The following CTNNA3 variants were observed in gnomAD, a reference collection of about 807,000 sequenced individuals.
CTNNA3 encodes catenin alpha-3.
In CTNNA3, 76 loss-of-function variants were observed where a neutral mutation model predicts 95.7. That is an observed-to-expected ratio of 0.79 (90% CI 0.66 to 0.96). The LOEUF (loss-of-function observed/expected upper bound fraction) is 0.96, where lower values mean the gene tolerates loss of function less well. CTNNA3 is among the 40% of genes least tolerant of loss of function. The probability of loss-of-function intolerance (pLI) is 0.00; values close to 1 mark genes in which losing one functional copy is unlikely to be tolerated. For synonymous variants in CTNNA3, 431 were observed against 374.4 expected, an observed-to-expected ratio of 1.15 and a Z score of -1.74; for missense variants, 1,191 against 1,089.8, an observed-to-expected ratio of 1.09 and a Z score of -1.31.
At chr10:67,457,508 G>T (rs555077250) in intron 5 of CTNNA3, among the ~76,000 whole-genome samples, 1 of 152,170 alleles carries the variant, frequency 6.6e-6, no homozygotes, top group South Asian at 2.1e-4. Flanking sequence ...CATCAAATCA[G>T]AATAAAAAAT....
At position 67,504,435 on chromosome 10, in the gene CTNNA3, CAAAAAAAAA is replaced by C. The variant is rs60719599; in HGVS notation, c.579+17398_579+17406del. On this transcript the variant is annotated intron_variant, in intron 5 of 17. Coordinates refer to ENST00000433211, the MANE Select transcript of CTNNA3 (RefSeq NM_013266.4). The stretch of plus-strand genomic sequence containing the variant: ...TGGGCAACAGAGTGAGACTCCATCT[CAAAAAAAAA>C]AAAAAAAAAAAAAAAACAGAGTAAC... Among the ~76,000 whole-genome samples, 5 of 16,160 alleles carry C rather than the reference CAAAAAAAAA, an allele frequency of 3.1e-4. No individual in the cohort carries two copies. In the East Asian group the frequency reaches 4.7e-3, roughly 15 times the overall value. 10.6% of individuals were successfully genotyped at this position (16,160 alleles called of 152,430 possible).
At chr10:66,376,761 A>G (rs1455183497) in intron 12 of CTNNA3, among the ~76,000 whole-genome samples, 2 of 152,216 alleles carry the variant, frequency 1.3e-5, no homozygotes, top group East Asian at 3.9e-4. Flanking sequence ...AGAGAAAGAC[A>G]GTCCACAGAT....
At chr10:66,788,529 T>C (rs1229877361) in intron 7 of CTNNA3, among the ~76,000 whole-genome samples, 1 of 152,192 alleles carries the variant, frequency 6.6e-6, no homozygotes, top group Non-Finnish European at 1.5e-5. Context: ...GCCTGTAATA[T>C]TTCTTGCAGT....
chr10:66,373,874 C>G (rs1351068439), intron 12 of CTNNA3, among the ~76,000 whole-genome samples: 1 of 152,190 alleles, frequency 6.6e-6, no homozygotes, highest in Non-Finnish European at 1.5e-5. Context: ...GCTAAAGAAC[C>G]TTTTAAAAAT....
At chr10:66,449,276 A>AT (rs1306690950) in intron 11 of CTNNA3, among the ~76,000 whole-genome samples, 1 of 152,104 alleles carries the variant, frequency 6.6e-6, no homozygotes, top group African/African-American at 2.4e-5. Context: ...TGAAAACTGC[A>AT]TTATCCATTT....
intron 7 of CTNNA3, among the ~76,000 whole-genome samples, chr10:66,895,554 G>T (rs924397437): frequency 6.6e-6 from 1 of 151,888 alleles, no homozygotes; most frequent in Non-Finnish European, 1.5e-5. Context: ...TTCCAGGAGA[G>T]AGACATGGTA....
intron 7 of CTNNA3, among the ~76,000 whole-genome samples, chr10:66,806,756 A>ATATGTGTGTGTGTG (rs1359507202): frequency 3.4e-5 from 5 of 145,714 alleles, no homozygotes; most frequent in African/African-American, 1.0e-4. Context: ...TGTGGCATAT[A>ATATGTGTGTGTGTG]TGTGTGTGTG....
rs573050982 is a variant in CTNNA3, at chr10:67,166,364, G to T, written c.1047+13953C>A. On this transcript the variant is annotated intron_variant, in intron 7 of 17. Coordinates refer to ENST00000433211, the MANE Select transcript of CTNNA3 (RefSeq NM_013266.4). ...GAGTGTAACTTACCTAGCTTTCTTGGTTTTTTTTCACACTGGACACTAGAA... is the reference window on the plus strand; with the variant it reads ...GAGTGTAACTTACCTAGCTTTCTTGTTTTTTTTTCACACTGGACACTAGAA... 3.4e-4 allele frequency among the ~76,000 whole-genome samples: 52 copies of T among 151,704 alleles called. No homozygotes were observed. The East Asian group carries it at 4.5e-3, about 13-fold the overall frequency.
intron 1 of CTNNA3, among the ~76,000 whole-genome samples, chr10:67,693,577 T>G (rs919639217): frequency 1.3e-5 from 2 of 152,188 alleles, no homozygotes; most frequent in African/African-American, 4.8e-5. Flanking sequence ...CTTCTGTAGC[T>G]ATGGTTTTTC....
chr10:67,064,784 C>G (rs1269381505), intron 7 of CTNNA3, among the ~76,000 whole-genome samples: 1 of 152,038 alleles, frequency 6.6e-6, no homozygotes, highest in Admixed American at 6.6e-5. Context: ...TAATTTCAAT[C>G]TCACTTTTAC....
rs185872598 is a variant in CTNNA3 at position 67,453,713 on chromosome 10, G to A, written c.579+68129C>T. On this transcript the variant is annotated intron_variant, in intron 5 of 17. Transcript: ENST00000433211. ...CTGTAAAAATGTGCAGATAAGAGAG[G>A]AAGAGAAAAATCTGCAAGATTCCCA... is the stretch of plus-strand genomic sequence containing the variant. Among the ~76,000 whole-genome samples the A allele has an allele frequency of 1.7e-3, 261 of 152,306 alleles. 1 individual carries two copies. The highest frequency in any genetic ancestry group is 5.9e-3 in the African/African-American group (246 of 41,570).
chr10:67,258,556 C>T (rs761978108), intron 5 of CTNNA3, among the ~76,000 whole-genome samples: 7 of 151,994 alleles, frequency 4.6e-5, no homozygotes, highest in Admixed American at 2.0e-4. Flanking sequence ...TTTGTTTAGC[C>T]GACAACTTTG....
chr10:65,930,787 C>T (rs1260242962), intron 17 of CTNNA3, among the ~76,000 whole-genome samples: 1 of 152,156 alleles, frequency 6.6e-6, no homozygotes, highest in Non-Finnish European at 1.5e-5. Context: ...TGGGCTTTAG[C>T]TCTCAGCCCT....
rs1038336834 is a variant in CTNNA3 at position 66,873,141 on chromosome 10, G to T, written c.1048-97617C>A. On this transcript the variant is annotated intron_variant, in intron 7 of 17. Coordinates refer to ENST00000433211, the MANE Select transcript of CTNNA3 (RefSeq NM_013266.4). ...TTTCATGTTTTTGCTATTGTGAATAGTGCTGTGATGAACAGAGGAGTGCAC... is the reference window on the plus strand; with the variant it reads ...TTTCATGTTTTTGCTATTGTGAATATTGCTGTGATGAACAGAGGAGTGCAC... Among the ~76,000 whole-genome samples the T allele has an allele frequency of 3.3e-5, 5 of 152,176 alleles. No homozygotes were observed. In the South Asian group the frequency reaches 8.3e-4, roughly 25 times the overall value.
At chr10:66,742,654 AT>A (rs1391487006) in intron 9 of CTNNA3, among the ~76,000 whole-genome samples, 1 of 152,016 alleles carries the variant, frequency 6.6e-6, no homozygotes, top group East Asian at 1.9e-4. Context: ...CTGTCCCTTT[AT>A]TTCTCAGACC....
At chr10:67,245,971 T>G (rs560212079) in intron 5 of CTNNA3, among the ~76,000 whole-genome samples, 255 of 151,792 alleles carry the variant, frequency 1.7e-3, no homozygotes, top group Middle Eastern at 3.4e-3. Flanking sequence ...TAGAGGCAAA[T>G]ATTAGAACAT....
chr10:66,466,203 T>C (rs960507756), intron 11 of CTNNA3, among the ~76,000 whole-genome samples: 4 of 151,994 alleles, frequency 2.6e-5, no homozygotes, highest in African/African-American at 9.7e-5. Context: ...AACTCTTCCC[T>C]GGGTCTTAGG....
intron 7 of CTNNA3, among the ~76,000 whole-genome samples, chr10:66,932,191 T>C (rs528928544): frequency 2.6e-5 from 4 of 152,196 alleles, no homozygotes; most frequent in East Asian, 1.9e-4. Flanking sequence ...TGATGATTCA[T>C]GGATAATGAA....
In CTNNA3 at chr10:67,530,905, C is replaced by T. The variant is rs141220719; in HGVS notation, c.459+8598G>A. On this transcript the variant is annotated intron_variant, in intron 4 of 17. Coordinates refer to ENST00000433211, the MANE Select transcript of CTNNA3 (RefSeq NM_013266.4). ...AGCCCTTTGTCCCAGCTGCTCCAGC[C>T]GTGGCTGAAAGGGGCCAATGTCGAG... Among the ~76,000 whole-genome samples the T allele has an allele frequency of 5.9e-5, 9 of 152,274 alleles. No homozygotes were observed. The East Asian group carries it at 1.2e-3, about 20-fold the overall frequency.
Sources: allele counts gnomAD v4.1 joint callset (sites outside exome capture counted in the v4.1 genomes callset), GRCh38; gene constraint gnomAD v4.1.1; transcripts MANE v1.5; gene names NCBI Gene and HGNC (gene_info 2026-07-23, HGNC 2026-07-21).